The following NOP14 variants were observed in gnomAD, a reference collection of about 807,000 sequenced individuals.
NOP14 encodes the protein NOP14 nucleolar protein, also known as nucleolar protein 14.
NOP14 carries 57 observed loss-of-function variants against 101.6 expected under a neutral mutation model. The ratio of observed to expected loss-of-function variants is 0.56; its 90% CI spans 0.45 to 0.70. The LOEUF (loss-of-function observed/expected upper bound fraction) is 0.70, where lower values mean the gene tolerates loss of function less well. NOP14 is among the 30% of genes least tolerant of loss of function. NOP14 has a pLI of 0.00. For synonymous variants in NOP14, 428 were observed against 424.0 expected (o/e 1.01, Z -0.12); for missense variants, 1,134 against 1,075.5 (o/e 1.05, Z -0.76).
At chr4:2,948,725 G>A (rs781735814) in intron 8 of NOP14, among the ~76,000 whole-genome samples, 19 of 152,174 alleles carry the variant, frequency 1.2e-4, no homozygotes, top group Non-Finnish European at 2.6e-4. Flanking sequence ...AAAGTGCTGG[G>A]ATTACAGGCA....
chr4:2,960,012 C>A (rs1164270850), intron 1 of NOP14, among the ~76,000 whole-genome samples: 4 of 151,668 alleles, frequency 2.6e-5, no homozygotes, highest in African/African-American at 4.8e-5. Context: ...CTCTGTCGCC[C>A]AGGCTGGAGT....
chr4:2,961,207 T>C (rs1375659066), intron 1 of NOP14: 1 of 30 alleles, frequency 0.033, no homozygotes, highest in East Asian at 0.5. Context: ...ATTATAATAA[T>C]ATATTAATAT....
chr4:2,946,573 G>C (rs1036785767), intron 10 of NOP14, 26 bp from the exon 11 acceptor site: 2 of 1,611,012 alleles, frequency 1.2e-6, no homozygotes, highest in Non-Finnish European at 8.5e-7. Context: ...GTAAAGTCAG[G>C]AGAGAATGAC....
At chr4:2,951,023 C>G in intron 7 of NOP14, 91 bp downstream of exon 7, 1 of 1,198,904 alleles carries the variant, frequency 8.3e-7, no homozygotes, top group South Asian at 1.5e-5. Flanking sequence ...TTAAAATTCC[C>G]AACTGTAATA....
chr4:2,953,431 C>A, intron 5 of NOP14, 80 bp downstream of exon 5: 1 of 1,518,558 alleles, frequency 6.6e-7, no homozygotes. Flanking sequence ...AAGAGCCGTC[C>A]AGCCCCAGCC....
chr4:2,961,040 A>C (rs1256663845), intron 1 of NOP14, among the ~76,000 whole-genome samples: 2 of 107,388 alleles, frequency 1.9e-5, no homozygotes, highest in East Asian at 5.0e-4. Flanking sequence ...TTATATCAAT[A>C]TTATATTAAT....
Position 2,942,337 on chromosome 4 carries a change from G to C in NOP14, c.1906C>G (p.His636Asp). Residue 636 changes from histidine (H) to aspartate (D), a missense_variant, in exon 14 of 18, where the codon CAC becomes GAC. Transcript: ENST00000416614. ...TTCTTCCCAAGCGCTCTGAAAGGGT[G>C]CACCAGAGTGGAACCTGAATTCCAA... The part of the protein sequence containing the change: ...NKASQGSTLV[H>D]PFRALGKNSE... 6.2e-7 allele frequency: 1 copy of C among 1,613,702 alleles called. No individual in the cohort carries two copies. The highest frequency in any genetic ancestry group is 8.5e-7 in the Non-Finnish European group (1 of 1,179,660).
At chr4:2,957,251 C>T (rs1367065869) in intron 2 of NOP14, among the ~76,000 whole-genome samples, 1 of 152,202 alleles carries the variant, frequency 6.6e-6, no homozygotes, top group Non-Finnish European at 1.5e-5. Flanking sequence ...CCACCCACCT[C>T]AGCCTCCCAA....
At chr4:2,961,836 A>G (rs1214713766) in intron 1 of NOP14, 1 of 152,244 alleles carries the variant, frequency 6.6e-6, no homozygotes, top group Non-Finnish European at 1.5e-5. Flanking sequence ...CCAAGGGCCA[A>G]GCATTGGAGA....
chr4:2,955,707 C>G (rs1056978245), intron 3 of NOP14, among the ~76,000 whole-genome samples: 1 of 152,258 alleles, frequency 6.6e-6, no homozygotes, highest in African/African-American at 2.4e-5. Flanking sequence ...AGCTAAGGGT[C>G]CACGAGAAGT....
chr4:2,939,039 TCAAACAGGGGGAAG>T, intron 17 of NOP14, 109 bp from the exon 18 acceptor site: 1 of 1,482,138 alleles, frequency 6.7e-7, no homozygotes, highest in East Asian at 2.3e-5. Flanking sequence ...CACGTTCAGT[TCAAACAGGGGGAAG>T]TGAACCTGCC....
At chr4:2,948,697 C>T (rs576447653) in intron 8 of NOP14, among the ~76,000 whole-genome samples, 5 of 152,312 alleles carry the variant, frequency 3.3e-5, no homozygotes, top group East Asian at 1.9e-4. Flanking sequence ...TCAGGTGATC[C>T]GCCTGCCTAG....
At chr4:2,952,140 A>G in intron 6 of NOP14, 135 bp downstream of exon 6, 1 of 857,402 alleles carries the variant, frequency 1.2e-6, no homozygotes, top group Middle Eastern at 3.8e-4. Context: ...TCATGAATAA[A>G]TATAAACTTT....
At chr4:2,959,847 A>G (rs1715609142) in intron 1 of NOP14, among the ~76,000 whole-genome samples, 1 of 152,214 alleles carries the variant, frequency 6.6e-6, no homozygotes, top group African/African-American at 2.4e-5. Flanking sequence ...ATTTTAAAAC[A>G]ACATCTCACT....
rs766340771 is a variant in NOP14 at position 2,956,723 on chromosome 4, T to A, written c.419A>T (p.His140Leu). The change falls in exon 3 of 18, where the codon CAT becomes CTT. Residue 140 changes from histidine to leucine, a missense_variant. Transcript: ENST00000416614. ...GCTGTCACTGTCCACAATGTCATTA[T>A]GCTTCTCGATGTCTGCCAAAGACTG... ...YGQSLADIEK[H>L]NDIVDSDSDA... 55 of 1,613,676 alleles carry A rather than the reference T, an allele frequency of 3.4e-5. No individual in the cohort carries two copies. The South Asian group carries it at 4.2e-4, about 12-fold the overall frequency.
At position 2,950,211 on chromosome 4, in the gene NOP14, A is replaced by C; in HGVS notation, c.1005T>G (p.Asp335Glu). The C allele has an allele frequency of 6.2e-7, 1 of 1,613,136 alleles. No individual in the cohort carries two copies. Among genetic ancestry groups the C allele is most frequent in the South Asian group, 1.1e-5 (1 of 91,062 alleles). Residue 335 changes from aspartate to glutamate, a missense_variant and splice_region_variant, in exon 8 of 18, where the codon GAT (aspartate) becomes GAG (glutamate). By Grantham distance (45) the Asp-to-Glu change is conservative. Coordinates refer to ENST00000416614, the MANE Select transcript of NOP14 (RefSeq NM_001291978.2). The part of the protein sequence containing the change: ...KDDRRLLSYK[D>E]GKMNVEEDVQ... The stretch of plus-strand genomic sequence containing the variant: ...CATCTTCCTCGACATTCATCTTTCC[A>C]TCCTACCAAGAGCGTGGAAACCACA...
intron 1 of NOP14, among the ~76,000 whole-genome samples, chr4:2,959,271 C>A (rs1404448749): frequency 6.6e-6 from 1 of 152,162 alleles, no homozygotes; most frequent in South Asian, 2.1e-4. Context: ...AACTTCCTAC[C>A]GTGGCAGTGC....
chr4:2,948,406 G>A lies in NOP14; in HGVS notation c.1285C>T (p.Pro429Ser). ...RDELPYTFAA[P>S]ESYEELRSLL... ...GATCTCAGTTCCTCATAGGATTCAG[G>A]GGCTATCAAAAACACAAAACATACT... The change falls in exon 9 of 18, where the codon CCT (proline) becomes TCT (serine). Residue 429 changes from proline to serine, a missense_variant and splice_region_variant. Pro to Ser is a moderately conservative substitution (Grantham distance 74). Coordinates refer to ENST00000416614, the MANE Select transcript of NOP14 (RefSeq NM_001291978.2). 6.2e-7 allele frequency: 1 copy of A among 1,606,168 alleles called. No individual in the cohort carries two copies. Among genetic ancestry groups the A allele is most frequent in the Non-Finnish European group, 8.5e-7 (1 of 1,177,610 alleles).
In NOP14 at chr4:2,938,919, C is replaced by G. The variant is rs1455777530; in HGVS notation, c.2486G>C (p.Arg829Thr). The change falls in exon 18 of 18, where the codon AGA becomes ACA. Residue 829 changes from arginine to threonine, a missense_variant. Arg to Thr is a moderately conservative substitution (Grantham distance 71). Transcript: ENST00000416614. ...LSEIMERDAE[R>T]KRKVKQLFNS... The stretch of plus-strand genomic sequence containing the variant: ...AAAAAGCTGCTTTACTTTCCGCTTT[C>G]TTTCCGCATCCCTAAAAGAAACAAA... 6.2e-7 allele frequency: 1 copy of G among 1,614,076 alleles called. No homozygotes were observed. The highest frequency in any genetic ancestry group is 1.1e-5 in the South Asian group (1 of 91,082).
Sources: allele counts gnomAD v4.1 joint callset (sites outside exome capture counted in the v4.1 genomes callset), GRCh38; gene constraint gnomAD v4.1.1; transcripts MANE v1.5; gene names NCBI Gene and HGNC (gene_info 2026-07-23, HGNC 2026-07-21).